RIN2: variants seen among roughly 807,000 people sequenced by gnomAD.
RIN2 encodes the protein Ras and Rab interactor 2.
In RIN2, 36 loss-of-function variants were observed where a neutral mutation model predicts 78.0. The observed-to-expected ratio is 0.46, with a 90% confidence interval of 0.35 to 0.61. The LOEUF is 0.61. RIN2 is among the 20% of genes least tolerant of loss of function. The pLI, the probability that RIN2 is intolerant of heterozygous loss-of-function variation, is 0.00. For synonymous variants in RIN2, 466 were observed against 466.8 expected (o/e 1.00, Z 0.02); for missense variants, 1,087 against 1,159.7 (o/e 0.94, Z 0.91).
Position 19,975,754 on chromosome 20 carries a change from C to G in RIN2, c.1729C>G (p.Pro577Ala), listed in dbSNP as rs756703809. ...YLSQSSELDPPIESLIPEDQI... is the reference protein window; with the variant it reads ...YLSQSSELDPAIESLIPEDQI... ...GTCTCAGAGCTCGGAGCTGGACCCC[C>G]CCATCGAGTCGCTGATCCCTGAAGA... Residue 577 changes from proline (P) to alanine (A), a missense_variant, in exon 9 of 13, where the codon CCC (proline) becomes GCC (alanine). By Grantham distance (27) the Pro-to-Ala change is conservative. Transcript: ENST00000255006. The surrounding 1 kb of genome is among the most constrained non-coding windows in gnomAD (Gnocchi z 4.9). 1 of 1,612,034 alleles carries G rather than the reference C, an allele frequency of 6.2e-7. No homozygotes were observed. Among genetic ancestry groups the G allele is most frequent in the Admixed American group, 1.7e-5 (1 of 59,840 alleles).
In RIN2 at chr20:19,984,121, C is replaced by G. The variant is rs150053907; in HGVS notation, c.1763-5885C>G. On this transcript the variant is annotated intron_variant, in intron 9 of 12. Coordinates refer to ENST00000255006, the MANE Select transcript of RIN2 (RefSeq NM_018993.4). The stretch of plus-strand genomic sequence containing the variant: ...ACCAGAAAACCAAACACTGCATGTT[C>G]TCACTCATAGGTGGGAATTGAACAA... Among the ~76,000 whole-genome samples the G allele has an allele frequency of 1.7e-3, 263 of 151,294 alleles. 5 individuals are homozygous for G. Among genetic ancestry groups the G allele is most frequent in the East Asian group, 0.011 (55 of 5,098 alleles).
chr20:19,789,815 G>A (rs2034832435), intron 1 of RIN2, among the ~76,000 whole-genome samples: 1 of 152,164 alleles, frequency 6.6e-6, no homozygotes, highest in Non-Finnish European at 1.5e-5. Flanking sequence ...CAAAGTGCTA[G>A]CCAGAGATTC....
intron 2 of RIN2, among the ~76,000 whole-genome samples, chr20:19,825,089 C>G (rs2036048318): frequency 6.6e-6 from 1 of 152,192 alleles, no homozygotes; most frequent in Non-Finnish European, 1.5e-5. Flanking sequence ...TCTCAAGATC[C>G]CTGGGGATGA....
chr20:19,980,267 T>C (rs1044607208), intron 9 of RIN2, among the ~76,000 whole-genome samples: 1 of 152,204 alleles, frequency 6.6e-6, no homozygotes, highest in African/African-American at 2.4e-5. Context: ...AAAATTAATT[T>C]AAATAGAAGA....
intron 3 of RIN2, among the ~76,000 whole-genome samples, chr20:19,911,353 C>A (rs2039458377): frequency 6.6e-6 from 1 of 152,144 alleles, no homozygotes; most frequent in South Asian, 2.1e-4. Context: ...CGCGCCTGGC[C>A]CAAATATGTC....
At chr20:19,971,279 T>C (rs1030891033) in intron 8 of RIN2, among the ~76,000 whole-genome samples, 1 of 152,088 alleles carries the variant, frequency 6.6e-6, no homozygotes, top group Non-Finnish European at 1.5e-5. Flanking sequence ...TCTGTTCCAC[T>C]TCCTCTCTTG....
chr20:19,966,328 T>C (rs2041936597), intron 7 of RIN2, among the ~76,000 whole-genome samples: 1 of 151,494 alleles, frequency 6.6e-6, no homozygotes, highest in Non-Finnish European at 1.5e-5. Context: ...CTACGCACTT[T>C]TTTTTTTTTT....
chr20:19,897,453 C>T (rs2038783658), intron 3 of RIN2, among the ~76,000 whole-genome samples: 1 of 152,184 alleles, frequency 6.6e-6, no homozygotes, highest in Admixed American at 6.5e-5. Context: ...ACGTGGCTGG[C>T]AGCTGCCAGA....
chr20:19,983,040 T>G (rs2042510290), intron 9 of RIN2, among the ~76,000 whole-genome samples: 1 of 152,180 alleles, frequency 6.6e-6, no homozygotes, highest in African/African-American at 2.4e-5. Context: ...CCACTCACAC[T>G]CAAATCCTTG....
Position 20,000,909 on chromosome 20 carries a change from C to T in RIN2, c.2661C>T (p.Asn887=), listed in dbSNP as rs548122855. 58 of 1,612,662 alleles carry T rather than the reference C, an allele frequency of 3.6e-5. No individual in the cohort carries two copies. Among genetic ancestry groups the T allele is most frequent in the African/African-American group, 2.9e-4 (22 of 75,024 alleles). The change falls in exon 13 of 13, where the codon AAC becomes AAT. Residue 887 remains asparagine, a synonymous_variant. Transcript: ENST00000255006. ...ATCCTTATGGCATCATTTTCCAGAA[C>T]GGGGAAGAAGACCTCACCACCTCCT... ...KNDPYGIIFQ[N]GEEDLTTS
intron 2 of RIN2, among the ~76,000 whole-genome samples, chr20:19,844,571 G>C (rs964909199): frequency 6.7e-6 from 1 of 150,054 alleles, no homozygotes; most frequent in Admixed American, 6.6e-5. Context: ...TGGCCAACTA[G>C]AGAGCTGCTG....
At chr20:19,760,559 G>A (rs1041579692) in intron 1 of RIN2, among the ~76,000 whole-genome samples, 1 of 152,096 alleles carries the variant, frequency 6.6e-6, no homozygotes, top group African/African-American at 2.4e-5. Flanking sequence ...ACCCACTTCA[G>A]GACTTCCACT....
chr20:19,846,756 T>C (rs1021400770), intron 2 of RIN2, among the ~76,000 whole-genome samples: 5 of 152,236 alleles, frequency 3.3e-5, no homozygotes, highest in Admixed American at 1.3e-4. Context: ...CAATACTATG[T>C]TGAACAGGAG....
chr20:19,986,889 T>C (rs190613468), intron 9 of RIN2, among the ~76,000 whole-genome samples: 3 of 152,372 alleles, frequency 2.0e-5, no homozygotes, highest in African/African-American at 4.8e-5. Context: ...TGCACACCCA[T>C]GTAGACACAG....
At chr20:19,823,902 G>T (rs1181618811) in intron 2 of RIN2, 26 of 1,596,576 alleles carry the variant, frequency 1.6e-5, no homozygotes, top group Non-Finnish European at 1.8e-5. Flanking sequence ...TGCACCTCAG[G>T]TATACGACTT....
At chr20:19,896,756 C>T (rs2038747869) in intron 3 of RIN2, among the ~76,000 whole-genome samples, 1 of 152,104 alleles carries the variant, frequency 6.6e-6, no homozygotes, top group Non-Finnish European at 1.5e-5. Flanking sequence ...CTGGAGAGGC[C>T]TCAGAGCATA....
chr20:19,853,058 G>A (rs191287981), intron 2 of RIN2, among the ~76,000 whole-genome samples: 1 of 120,896 alleles, frequency 8.3e-6, no homozygotes, highest in Non-Finnish European at 1.6e-5. Flanking sequence ...ACAGGCCCCA[G>A]TGTGTGATGT....
intron 9 of RIN2, among the ~76,000 whole-genome samples, chr20:19,984,466 C>T (rs1568706053): frequency 6.6e-6 from 1 of 152,040 alleles, no homozygotes. Flanking sequence ...AGTAAAAATA[C>T]GGTAACAGAA....
intron 4 of RIN2, among the ~76,000 whole-genome samples, chr20:19,954,044 C>T (rs1024001892): frequency 2.6e-5 from 4 of 152,148 alleles, no homozygotes; most frequent in African/African-American, 7.2e-5. Flanking sequence ...CAGAAAGTCA[C>T]GAAGGTGATG....
Sources: gnomAD v4.1 joint callset for allele counts (sites outside exome capture counted in the v4.1 genomes callset) on GRCh38, gnomAD v4.1.1 for gene constraint, Gnocchi (gnomAD v3.1) non-coding constraint, MANE v1.5 for transcripts, NCBI Gene and HGNC (gene_info 2026-07-23, HGNC 2026-07-21) for gene names.